Variants in WIPF2 observed in about 807,000 individuals in gnomAD.
WIPF2 encodes the protein WAS/WASL-interacting protein family member 2.
In WIPF2, 23 loss-of-function variants were observed where a neutral mutation model predicts 38.8. The observed-to-expected ratio is 0.59, with a 90% CI of 0.43 to 0.84. The LOEUF (loss-of-function observed/expected upper bound fraction) is 0.84, where lower values mean the gene tolerates loss of function less well. Among genes scored for constraint, WIPF2 ranks in the 40% least tolerant of loss-of-function variants. WIPF2 has a pLI of 0.00. For synonymous variants in WIPF2, 210 were observed against 223.2 expected, an observed-to-expected ratio of 0.94 and a Z score of 0.53; for missense variants, 574 against 580.5, an observed-to-expected ratio of 0.99 and a Z score of 0.11.
chr17:40,264,326 CAAAAAA>C (rs772320240), intron 4 of WIPF2, among the ~76,000 whole-genome samples, 158 bp from the exon 5 acceptor site: 416 of 23,952 alleles, frequency 0.017, 1 homozygote, highest in African/African-American at 0.05. Flanking sequence ...AACTTCGTCT[CAAAAAA>C]AAAAAAAAAA....
At chr17:40,248,196 T>A (rs1051473017) in intron 1 of WIPF2, among the ~76,000 whole-genome samples, 3 of 125,786 alleles carry the variant, frequency 2.4e-5, no homozygotes, top group Admixed American at 8.4e-5. Flanking sequence ...TTTTTGAGAC[T>A]CTCTGTTGCC....
chr17:40,228,010 GTTTTTTTTTT>G (rs1175714533), intron 1 of WIPF2, among the ~76,000 whole-genome samples: 1 of 79,214 alleles, frequency 1.3e-5, no homozygotes, highest in African/African-American at 5.7e-5. Context: ...ACCTCTTTTT[GTTTTTTTTTT>G]TTTTTTTTTT....
rs910158718 is a variant in WIPF2 at position 40,283,665 on chromosome 17, G to A, written c.*5440G>A. On this transcript the variant is annotated 3_prime_UTR_variant, in exon 8 of 8. Transcript: ENST00000323571. ...TCTTATAATTCTTTCTACCTGTGTT[G>A]CATGGCAGATTCTCAGATTGAGGCT... 6.6e-6 allele frequency: 1 copy of A among 152,180 alleles called. No individual in the cohort carries two copies. Among genetic ancestry groups the A allele is most frequent in the Non-Finnish European group, 1.5e-5 (1 of 68,038 alleles). 9.4% of individuals were successfully genotyped at this position (152,180 alleles called of 1,614,324 possible). A position where few individuals can be genotyped will look rare whatever the true frequency, so the allele number is the denominator to read the frequency against.
chr17:40,224,968 T>G (rs2030418122), intron 1 of WIPF2, among the ~76,000 whole-genome samples: 1 of 151,974 alleles, frequency 6.6e-6, no homozygotes, highest in South Asian at 2.1e-4. Context: ...AAGCAAAAGT[T>G]GGCAGAGTTC....
At chr17:40,245,517 A>G (rs1007928865) in intron 1 of WIPF2, among the ~76,000 whole-genome samples, 1 of 151,612 alleles carries the variant, frequency 6.6e-6, no homozygotes, top group Non-Finnish European at 1.5e-5. Flanking sequence ...TGACTTTTAT[A>G]TTTTTAGTAG....
intron 1 of WIPF2, among the ~76,000 whole-genome samples, chr17:40,223,906 T>G (rs374724769): frequency 6.6e-6 from 1 of 151,888 alleles, no homozygotes; most frequent in Non-Finnish European, 1.5e-5. Flanking sequence ...TTAAATGTTC[T>G]TTCTTTACTT....
intron 5 of WIPF2, among the ~76,000 whole-genome samples, chr17:40,270,485 T>TA (rs1395947141): frequency 6.6e-6 from 1 of 152,124 alleles, no homozygotes; most frequent in Non-Finnish European, 1.5e-5. Context: ...AGATCACTCT[T>TA]ACCCTGCTCT....
intron 1 of WIPF2, among the ~76,000 whole-genome samples, chr17:40,226,094 T>G (rs2030469617): frequency 1.3e-5 from 2 of 151,714 alleles, no homozygotes; most frequent in African/African-American, 4.8e-5. Flanking sequence ...TCTGTGCTTC[T>G]GGAAATGCTG....
At chr17:40,274,283 C>T (rs2145411728) in intron 6 of WIPF2, among the ~76,000 whole-genome samples, 1 of 152,206 alleles carries the variant, frequency 6.6e-6, no homozygotes, top group East Asian at 1.9e-4. Flanking sequence ...TTGTAGCTAG[C>T]TTTTAGGTCA....
intron 6 of WIPF2, 146 bp from the exon 7 acceptor site, chr17:40,276,937 C>T: frequency 1.5e-6 from 1 of 659,582 alleles, no homozygotes. Context: ...CTGCTGTTCT[C>T]AGGGTGGTTG....
In WIPF2 at chr17:40,273,892, A is replaced by G. The variant is rs2032314079; in HGVS notation, c.1073A>G (p.Lys358Arg). ...MHGSEPPSRGKPPPPPSRTPA... is the reference protein window; with the variant it reads ...MHGSEPPSRGRPPPPPSRTPA... ...GGGTCAGAACCCCCGAGCCGAGGAA[A>G]GCCCCCACCTCCACCCTCAAGGACG... The change falls in exon 6 of 8, where the codon AAG (lysine) becomes AGG (arginine). Residue 358 changes from lysine to arginine, a missense_variant. Coordinates refer to ENST00000323571, the MANE Select transcript of WIPF2 (RefSeq NM_133264.5). 6 of 1,576,362 alleles carry G rather than the reference A, an allele frequency of 3.8e-6. No homozygotes were observed. Among genetic ancestry groups the G allele is most frequent in the Non-Finnish European group, 5.2e-6 (6 of 1,156,966 alleles).
intron 1 of WIPF2, among the ~76,000 whole-genome samples, chr17:40,226,463 C>T (rs2030494312): frequency 6.6e-6 from 1 of 151,634 alleles, no homozygotes; most frequent in South Asian, 2.1e-4. Context: ...GATCCGCCCA[C>T]CTTGGCCTCC....
At chr17:40,251,782 G>A (rs1048226929) in intron 1 of WIPF2, among the ~76,000 whole-genome samples, 3 of 152,168 alleles carry the variant, frequency 2.0e-5, no homozygotes, top group African/African-American at 7.2e-5. Flanking sequence ...TGGGACTTCA[G>A]TGTCCTCACC....
intron 6 of WIPF2, among the ~76,000 whole-genome samples, 166 bp from the exon 7 acceptor site, chr17:40,276,917 G>A (rs2032421691): frequency 1.3e-5 from 2 of 152,214 alleles, no homozygotes; most frequent in Admixed American, 1.3e-4. Context: ...AGGCACGTGG[G>A]GTGATGCTGC....
chr17:40,276,178 A>G (rs144034499), intron 6 of WIPF2, among the ~76,000 whole-genome samples: 1 of 152,142 alleles, frequency 6.6e-6, no homozygotes, highest in Non-Finnish European at 1.5e-5. Flanking sequence ...ATTCCTACCA[A>G]TTTCTGGATT....
At chr17:40,235,045 A>G (rs1039789038) in intron 1 of WIPF2, among the ~76,000 whole-genome samples, 1 of 151,684 alleles carries the variant, frequency 6.6e-6, no homozygotes, top group Admixed American at 6.6e-5. Flanking sequence ...CAGCCTCCCT[A>G]GTAGCTGGGA....
At chr17:40,265,555 C>T (rs1211044851) in intron 5 of WIPF2, among the ~76,000 whole-genome samples, 1 of 152,006 alleles carries the variant, frequency 6.6e-6, no homozygotes, top group Non-Finnish European at 1.5e-5. Context: ...ACAGCTGTTG[C>T]AGGCAGTGGG....
At chr17:40,235,569 CTTTTTT>C (rs777748624) in intron 1 of WIPF2, among the ~76,000 whole-genome samples, 1 of 119,898 alleles carries the variant, frequency 8.3e-6, no homozygotes, top group Non-Finnish European at 1.7e-5. Flanking sequence ...GAGAGTGAGA[CTTTTTT>C]TTTTTTTTTT....
chr17:40,248,156 G>A (rs56414419), intron 1 of WIPF2, among the ~76,000 whole-genome samples: 15,343 of 99,822 alleles, frequency 0.15, 1,348 homozygotes, highest in East Asian at 0.29. Flanking sequence ...AAATTTAAAA[G>A]TTATTTCTTT....
Sources: gnomAD v4.1 joint callset for allele counts (sites outside exome capture counted in the v4.1 genomes callset) on GRCh38, gnomAD v4.1.1 for gene constraint, MANE v1.5 for transcripts, NCBI Gene and HGNC (gene_info 2026-07-23, HGNC 2026-07-21) for gene names.